Variants in RIPOR2 observed in about 807,000 individuals in gnomAD.
The protein encoded by RIPOR2 is rho family-interacting cell polarization regulator 2.
Under a neutral mutation model 114.5 loss-of-function variants are expected in RIPOR2, and 39 were observed. The ratio of observed to expected loss-of-function variants is 0.34; its 90% CI spans 0.26 to 0.44. The LOEUF (loss-of-function observed/expected upper bound fraction) is 0.44, where lower values mean the gene tolerates loss of function less well. Ranked by LOEUF, RIPOR2 falls within the 20% of genes least tolerant of loss-of-function variation. The probability of loss-of-function intolerance (pLI) is 1.00; values close to 1 mark genes in which losing one functional copy is unlikely to be tolerated. For missense variants in RIPOR2, 1,007 were observed against 1,255.1 expected (o/e 0.80, Z 2.99); for synonymous variants, 445 against 484.4 (o/e 0.92, Z 1.07).
chr6:25,011,181 A>G (rs554497926), intron 1 of RIPOR2, among the ~76,000 whole-genome samples: 5 of 152,308 alleles, frequency 3.3e-5, no homozygotes, highest in Non-Finnish European at 5.9e-5. Context: ...TGCCAACAGA[A>G]ATGGTGGTTA....
exon 1 of RIPOR2, chr6:25,041,904 T>A (rs780604926): frequency 4.6e-5 from 32 of 702,662 alleles, no homozygotes; most frequent in South Asian, 8.9e-5. Flanking sequence ...TCTGATCCAG[T>A]GTAATCGCGA....
chr6:24,949,018 C>CT (rs1243222167), intron 1 of RIPOR2, among the ~76,000 whole-genome samples: 1 of 152,154 alleles, frequency 6.6e-6, no homozygotes, highest in African/African-American at 2.4e-5. Flanking sequence ...CAATCCAGGG[C>CT]TCATTTCATC....
rs527517586 is a variant in RIPOR2, at chr6:24,870,731, C to G, written c.447+135G>C. ...ATTTTGCCACATTGCCCAGGCAGGT[C>G]TCAAACTCCTAAGCTCAAGTGATCC... On this transcript the variant is annotated intron_variant, in intron 5 of 21. Coordinates refer to ENST00000643898, the MANE Select transcript of RIPOR2 (RefSeq NM_001286445.3). 3.1e-4 allele frequency: 189 copies of G among 605,012 alleles called. 3 individuals are homozygous for G. The South Asian group carries it at 3.5e-3, about 11-fold the overall frequency. The allele number at this position is 605,012 out of a possible 1,614,324, so 37.5% of individuals were successfully genotyped here.
At chr6:24,942,327 T>A (rs1163142332) in intron 1 of RIPOR2, among the ~76,000 whole-genome samples, 1 of 152,186 alleles carries the variant, frequency 6.6e-6, no homozygotes, top group Non-Finnish European at 1.5e-5. Flanking sequence ...ATTTATTACA[T>A]GATATTTGAC....
intron 1 of RIPOR2, among the ~76,000 whole-genome samples, chr6:24,886,471 T>C (rs376440496): frequency 6.6e-6 from 1 of 152,358 alleles, no homozygotes; most frequent in East Asian, 1.9e-4. Flanking sequence ...CAGGATCAGA[T>C]GCTCCCTGTT....
chr6:24,985,414 G>A (rs1257075938), intron 1 of RIPOR2, among the ~76,000 whole-genome samples: 1 of 151,962 alleles, frequency 6.6e-6, no homozygotes, highest in Admixed American at 6.6e-5. Flanking sequence ...GGCTGCAAGT[G>A]ATCAAAATCT....
At chr6:24,953,337 C>A (rs1772872702) in intron 1 of RIPOR2, among the ~76,000 whole-genome samples, 1 of 151,678 alleles carries the variant, frequency 6.6e-6, no homozygotes, top group African/African-American at 2.4e-5. Context: ...CTGCCCCCCC[C>A]CAAAAAAAAT....
intron 1 of RIPOR2, among the ~76,000 whole-genome samples, chr6:24,912,568 T>C (rs1221297946): frequency 1.3e-5 from 2 of 151,884 alleles, no homozygotes; most frequent in East Asian, 3.9e-4. Flanking sequence ...TGTGTAGAGA[T>C]GGATGGTTCC....
At chr6:24,995,603 A>G (rs1013031035) in intron 1 of RIPOR2, among the ~76,000 whole-genome samples, 1 of 152,126 alleles carries the variant, frequency 6.6e-6, no homozygotes, top group Admixed American at 6.5e-5. Context: ...GTCTCGCACA[A>G]CTCCACAAAG....
intron 19 of RIPOR2, among the ~76,000 whole-genome samples, chr6:24,824,086 G>A (rs758880818): frequency 2.0e-5 from 3 of 152,116 alleles, no homozygotes; most frequent in African/African-American, 4.8e-5. Context: ...GGCACATTTC[G>A]AACACTGGCC....
At chr6:24,970,004 A>G (rs1385091685) in intron 1 of RIPOR2, among the ~76,000 whole-genome samples, 1 of 152,146 alleles carries the variant, frequency 6.6e-6, no homozygotes, top group African/African-American at 2.4e-5. Flanking sequence ...AAAATAAATG[A>G]GTCTGGGGAT....
intron 1 of RIPOR2, among the ~76,000 whole-genome samples, chr6:24,951,135 T>C (rs1385060867): frequency 1.3e-5 from 2 of 152,212 alleles, no homozygotes. Flanking sequence ...AGTGGTAGAA[T>C]GACACCTGAG....
chr6:24,976,315 TTG>T (rs1365660011), intron 1 of RIPOR2: 20 of 772,768 alleles, frequency 2.6e-5, no homozygotes, highest in South Asian at 2.1e-4. Context: ...ACCACTTAAA[TTG>T]TGTTTTTAAA....
rs149820186 is a variant in RIPOR2, at chr6:25,019,588, T to TA, written c.76+22262dup. Among the ~76,000 whole-genome samples, 439 of 145,172 alleles carry TA rather than the reference T, an allele frequency of 3.0e-3. 1 individual carries two copies. The highest frequency in any genetic ancestry group is 4.3e-3 in the Non-Finnish European group (281 of 65,644). ...ATCGAGACCATCCTGGCTAACACGGTAAAAAAAAAACCCCTCTCTACTAAA... is the reference window on the plus strand; with the variant it reads ...ATCGAGACCATCCTGGCTAACACGGTAAAAAAAAAAACCCCTCTCTACTAAA... On this transcript the variant is annotated intron_variant, in intron 1 of 13. Coordinates refer to the RIPOR2 transcript ENST00000510784.
intron 1 of RIPOR2, among the ~76,000 whole-genome samples, chr6:24,981,312 C>T (rs975651379): frequency 6.6e-6 from 1 of 152,182 alleles, no homozygotes; most frequent in Non-Finnish European, 1.5e-5. Flanking sequence ...TTCTTGCTTA[C>T]CCTGCGCACT....
Position 24,883,833 on chromosome 6 carries a change from G to T in RIPOR2, c.62-8016C>A, listed in dbSNP as rs1351989387. ...CTTTCTGAGTCATTTCTTCATGCCC[G>T]ATTTGGGTTCTTCCTTTCTTTTTCC... is the stretch of plus-strand genomic sequence containing the variant. On this transcript the variant is annotated intron_variant, in intron 1 of 21. Coordinates refer to ENST00000643898, the MANE Select transcript of RIPOR2 (RefSeq NM_001286445.3). This position sits in a 1 kb window ranked among gnomAD's most constrained non-coding sequence, Gnocchi z 4.1. 6.6e-6 allele frequency among the ~76,000 whole-genome samples: 1 copy of T among 152,132 alleles called. No homozygotes were observed. The highest frequency in any genetic ancestry group is 2.4e-5 in the African/African-American group (1 of 41,422).
intron 20 of RIPOR2, among the ~76,000 whole-genome samples, chr6:24,818,296 C>G (rs528581323): frequency 1.3e-5 from 2 of 152,230 alleles, no homozygotes; most frequent in Non-Finnish European, 1.5e-5. Context: ...GACCTAAAGG[C>G]AAACTGGTTC....
intron 1 of RIPOR2, among the ~76,000 whole-genome samples, chr6:24,928,797 C>T (rs1581821243): frequency 6.6e-6 from 1 of 152,280 alleles, no homozygotes; most frequent in East Asian, 1.9e-4. Flanking sequence ...GACGAAATAA[C>T]CCCAGGATCT....
intron 1 of RIPOR2, chr6:24,898,679 T>C (rs779298947): frequency 5.9e-5 from 9 of 152,204 alleles, no homozygotes; most frequent in Non-Finnish European, 1.3e-4. Context: ...CGTTCCCATA[T>C]AAGACATTAC....
Sources: allele counts gnomAD v4.1 joint callset (sites outside exome capture counted in the v4.1 genomes callset), GRCh38; gene constraint gnomAD v4.1.1; non-coding constraint Gnocchi (gnomAD v3.1); transcripts MANE v1.5; gene names NCBI Gene and HGNC (gene_info 2026-07-23, HGNC 2026-07-21).